LCORL: variants seen among roughly 807,000 people sequenced by gnomAD.
LCORL encodes the protein ligand dependent nuclear receptor corepressor like, also known as ligand-dependent nuclear receptor corepressor-like protein.
In LCORL, 41 loss-of-function variants were observed where a neutral mutation model predicts 141.8. The ratio of observed to expected loss-of-function variants is 0.29; its 90% CI spans 0.23 to 0.38. LCORL has a LOEUF of 0.38. Ranked by LOEUF, LCORL falls within the 10% of genes least tolerant of loss-of-function variation. The pLI, the probability that LCORL is intolerant of heterozygous loss-of-function variation, is 1.00. For synonymous variants in LCORL, 618 were observed against 694.1 expected (o/e 0.89, Z 1.72); for missense variants, 1,759 against 2,035.0 (o/e 0.86, Z 2.61).
At chr4:17,841,441 T>C (rs1459565084) in exon 8 of LCORL, 1 of 151,986 alleles carries the variant, frequency 6.6e-6, no homozygotes, top group Non-Finnish European at 1.5e-5. Flanking sequence ...AAATACCAAT[T>C]GCTGGATATT....
At position 17,855,648 on chromosome 4, in the gene LCORL, T is replaced by C. The variant is rs144720353; in HGVS notation, c.5603-9747A>G. ...CTGGCCAACAGGATCTTAGCAAATATGATGGAAGCTGAAGCTTGAGAAAAA... is the reference window on the plus strand; with the variant it reads ...CTGGCCAACAGGATCTTAGCAAATACGATGGAAGCTGAAGCTTGAGAAAAA... On this transcript the variant is annotated intron_variant, in intron 7 of 7. Transcript: ENST00000635767. Among the ~76,000 whole-genome samples, 8 of 152,322 alleles carry C rather than the reference T, an allele frequency of 5.3e-5. No individual in the cohort carries two copies. The East Asian group carries it at 1.5e-3, about 29-fold the overall frequency.
chr4:17,947,608 T>C (rs1739086182), intron 4 of LCORL, among the ~76,000 whole-genome samples: 2 of 151,986 alleles, frequency 1.3e-5, no homozygotes, highest in Non-Finnish European at 2.9e-5. Flanking sequence ...ATGTATGAAC[T>C]AGCTTTATTT....
chr4:17,881,706 A>G, intron 6 of LCORL: 3 of 939,286 alleles, frequency 3.2e-6, no homozygotes, highest in Non-Finnish European at 3.8e-6. Flanking sequence ...ATGTAAATAT[A>G]GTGTGAGGAA....
intron 4 of LCORL, chr4:17,960,212 A>G: frequency 6.5e-6 from 1 of 154,448 alleles, no homozygotes; most frequent in Middle Eastern, 5.2e-4. Context: ...CTTTCAAAAG[A>G]TGTTGAAGAA....
chr4:17,975,538 A>T (rs1716777827), intron 1 of LCORL, among the ~76,000 whole-genome samples: 1 of 152,028 alleles, frequency 6.6e-6, no homozygotes, highest in Non-Finnish European at 1.5e-5. Flanking sequence ...CTAGGACTAA[A>T]GGCACATGCC....
At chr4:17,973,142 T>C (rs1304926676) in intron 1 of LCORL, among the ~76,000 whole-genome samples, 7 of 151,840 alleles carry the variant, frequency 4.6e-5, no homozygotes, top group Admixed American at 2.0e-4. Context: ...ACTTTATCAT[T>C]TATAAGTATT....
chr4:17,933,095 T>C (rs932742743), intron 4 of LCORL, among the ~76,000 whole-genome samples: 10 of 151,660 alleles, frequency 6.6e-5, no homozygotes, highest in African/African-American at 1.7e-4. Flanking sequence ...TTGAGGTCCA[T>C]TGGGTTTTTC....
intron 4 of LCORL, among the ~76,000 whole-genome samples, chr4:17,926,193 C>T (rs114719848): frequency 0.017 from 2,524 of 152,188 alleles, 30 homozygotes; most frequent in Admixed American, 0.027. Flanking sequence ...TACTGAGTGT[C>T]AACTTGATGA....
In LCORL at chr4:17,977,266, T is replaced by C. The variant is rs138795465; in HGVS notation, c.155-4381A>G. Among the ~76,000 whole-genome samples the C allele has an allele frequency of 3.2e-3, 485 of 152,248 alleles. 5 individuals are homozygous for C. Among genetic ancestry groups the C allele is most frequent in the African/African-American group, 0.011 (453 of 41,564 alleles). The stretch of plus-strand genomic sequence containing the variant: ...TTTCTTGTGTAAATAATTAACAGTG[T>C]AAATGTAGGGTTACAAAGTAGGGTT... On this transcript the variant is annotated intron_variant, in intron 1 of 7. Transcript: ENST00000635767.
intron 1 of LCORL, among the ~76,000 whole-genome samples, chr4:17,981,973 G>C (rs1408655657): frequency 6.6e-6 from 1 of 151,892 alleles, no homozygotes; most frequent in Non-Finnish European, 1.5e-5. Flanking sequence ...CATTTATATG[G>C]TAGAATACAT....
At chr4:17,966,741 C>A (rs1714962383) in intron 2 of LCORL, among the ~76,000 whole-genome samples, 2 of 152,122 alleles carry the variant, frequency 1.3e-5, no homozygotes, top group African/African-American at 4.8e-5. Flanking sequence ...CAATGAAATA[C>A]CACTATATAC....
intron 5 of LCORL, among the ~76,000 whole-genome samples, chr4:17,899,719 T>C (rs1409038180): frequency 6.6e-6 from 1 of 152,160 alleles, no homozygotes; most frequent in Non-Finnish European, 1.5e-5. Flanking sequence ...GAGAGAATAC[T>C]TGGAGAAATT....
rs570110538 is a variant in LCORL, at chr4:17,885,405, A to G, written c.776+663T>C. Among the ~76,000 whole-genome samples the G allele has an allele frequency of 8.5e-5, 13 of 152,102 alleles. No individual in the cohort carries two copies. The South Asian group carries it at 2.7e-3, about 32-fold the overall frequency. On this transcript the variant is annotated intron_variant, in intron 6 of 7. Transcript: ENST00000635767. ...TACTATACCTTACGACTCAAATACT[A>G]CTACAGCCGTAGTTGAAACAAATTA...
intron 7 of LCORL, among the ~76,000 whole-genome samples, chr4:17,851,380 A>G (rs1020404468): frequency 3.3e-5 from 5 of 152,162 alleles, no homozygotes; most frequent in African/African-American, 1.2e-4. Context: ...TTTATTGTCT[A>G]TTCTTCAGAT....
chr4:17,877,646 A>T, exon 7 of LCORL: 1 of 1,230,480 alleles, frequency 8.1e-7, no homozygotes, highest in African/African-American at 1.6e-5. Flanking sequence ...CAAATCCTTC[A>T]GTTTCTATAG....
chr4:17,940,146 G>GTATATATGTATATATATGTATACATGTA (rs1553873841), intron 4 of LCORL, among the ~76,000 whole-genome samples: 55 of 136,638 alleles, frequency 4.0e-4, no homozygotes, highest in Middle Eastern at 3.9e-3. Flanking sequence ...GTATATATAT[G>GTATATATGTATATATATGTATACATGTA]TATATATGTA....
intron 4 of LCORL, among the ~76,000 whole-genome samples, chr4:17,957,168 T>C (rs1712819712): frequency 1.3e-5 from 2 of 151,826 alleles, no homozygotes; most frequent in South Asian, 2.1e-4. Context: ...GGGAATAGTA[T>C]TTGGGAGGAA....
At chr4:17,991,012 A>G (rs970403870) in intron 1 of LCORL, among the ~76,000 whole-genome samples, 3 of 152,356 alleles carry the variant, frequency 2.0e-5, no homozygotes, top group Middle Eastern at 3.4e-3. Flanking sequence ...AAGCTTTTTG[A>G]GAGTAAATGT....
intron 4 of LCORL, among the ~76,000 whole-genome samples, chr4:17,929,582 G>A (rs917574169): frequency 2.0e-5 from 3 of 151,954 alleles, no homozygotes; most frequent in African/African-American, 7.3e-5. Flanking sequence ...TATGAAGCTG[G>A]GCCTCTACCC....
Sources: allele counts gnomAD v4.1 joint callset (sites outside exome capture counted in the v4.1 genomes callset), GRCh38; gene constraint gnomAD v4.1.1; transcripts MANE v1.5; gene names NCBI Gene and HGNC (gene_info 2026-07-23, HGNC 2026-07-21).